The following XXYLT1 variants were observed in gnomAD, a reference collection of about 807,000 sequenced individuals.
XXYLT1 encodes xyloside xylosyltransferase 1.
In XXYLT1, 20 loss-of-function variants were observed where a neutral mutation model predicts 28.9. That is an observed-to-expected ratio of 0.69 (90% CI 0.49 to 1.00). The LOEUF is 1.00. XXYLT1 is among the 50% of genes least tolerant of loss of function. The probability of loss-of-function intolerance (pLI) is 0.00; values close to 1 mark genes in which losing one functional copy is unlikely to be tolerated. For missense variants in XXYLT1, 542 were observed against 560.1 expected (o/e 0.97, Z 0.33); for synonymous variants, 257 against 253.8 (o/e 1.01, Z -0.12).
chr3:195,082,152 C>G (rs1051974412), intron 3 of XXYLT1, among the ~76,000 whole-genome samples: 1 of 152,198 alleles, frequency 6.6e-6, no homozygotes, highest in African/African-American at 2.4e-5. Context: ...TGTGGGGCAT[C>G]TGGGTGGTTT....
intron 2 of XXYLT1, among the ~76,000 whole-genome samples, chr3:195,190,966 A>T (rs1722395429): frequency 6.6e-6 from 1 of 152,192 alleles, no homozygotes; most frequent in Admixed American, 6.5e-5. Flanking sequence ...AAAGAAGGCA[A>T]TCAAAAAATA....
intron 2 of XXYLT1, among the ~76,000 whole-genome samples, chr3:195,192,500 T>TTC (rs1295017474): frequency 1.3e-5 from 2 of 152,098 alleles, no homozygotes; most frequent in African/African-American, 4.8e-5. Context: ...TCCCAACTCA[T>TTC]TCTATGAGAC....
intron 3 of XXYLT1, among the ~76,000 whole-genome samples, chr3:195,120,202 C>T (rs1718276667): frequency 6.6e-6 from 1 of 152,174 alleles, no homozygotes; most frequent in Admixed American, 6.5e-5. Flanking sequence ...AGGCCTCACC[C>T]CCACCCACTC....
intron 2 of XXYLT1, among the ~76,000 whole-genome samples, chr3:195,172,277 G>T (rs1160561833): frequency 6.6e-6 from 1 of 152,182 alleles, no homozygotes; most frequent in Non-Finnish European, 1.5e-5. Context: ...GGCTTGCCAT[G>T]CTGGAATAAA....
chr3:195,080,640 G>A (rs967883118), intron 3 of XXYLT1, among the ~76,000 whole-genome samples: 6 of 152,216 alleles, frequency 3.9e-5, no homozygotes, highest in Non-Finnish European at 7.3e-5. Context: ...GCCTCATGGC[G>A]CTGGAGGTCA....
At chr3:195,079,679 C>T (rs1715317166) in intron 3 of XXYLT1, among the ~76,000 whole-genome samples, 1 of 151,982 alleles carries the variant, frequency 6.6e-6, no homozygotes, top group Non-Finnish European at 1.5e-5. Flanking sequence ...AAGAGGGAAC[C>T]CTGGGATGTG....
At chr3:195,258,586 C>G (rs145281692) in intron 1 of XXYLT1, among the ~76,000 whole-genome samples, 114 of 152,338 alleles carry the variant, frequency 7.5e-4, no homozygotes, top group African/African-American at 2.7e-3. Context: ...ATCATCCTGA[C>G]AAGCAGCAGC....
intron 3 of XXYLT1, among the ~76,000 whole-genome samples, chr3:195,156,026 T>C (rs1720570909): frequency 6.6e-6 from 1 of 152,200 alleles, no homozygotes; most frequent in Non-Finnish European, 1.5e-5. Context: ...TGTTCTGACG[T>C]CTTCCCTCCC....
At chr3:195,261,583 G>A (rs1029801555) in intron 1 of XXYLT1, among the ~76,000 whole-genome samples, 10 of 152,166 alleles carry the variant, frequency 6.6e-5, no homozygotes, top group South Asian at 4.1e-4. Context: ...CAGTGTACAC[G>A]TCAGAAATGT....
chr3:195,134,919 G>C (rs2108636364), intron 3 of XXYLT1, among the ~76,000 whole-genome samples: 1 of 152,070 alleles, frequency 6.6e-6, no homozygotes, highest in East Asian at 1.9e-4. Flanking sequence ...TATTTCCAAA[G>C]ACGACTCAGT....
At chr3:195,125,967 A>C (rs997723361) in intron 3 of XXYLT1, among the ~76,000 whole-genome samples, 3 of 143,518 alleles carry the variant, frequency 2.1e-5, no homozygotes, top group African/African-American at 5.1e-5. Context: ...CCCCGAGATA[A>C]CTGAGAAAGA....
chr3:195,233,912 T>C (rs983762616), intron 1 of XXYLT1, among the ~76,000 whole-genome samples: 2 of 152,016 alleles, frequency 1.3e-5, no homozygotes, highest in African/African-American at 4.8e-5. Flanking sequence ...CCTTTAGCAT[T>C]TTTGTTTTGT....
chr3:195,174,903 C>T lies in XXYLT1; in HGVS notation c.653-18322G>A, dbSNP rs535321256. 6.0e-4 allele frequency among the ~76,000 whole-genome samples: 92 copies of T among 152,142 alleles called. 2 individuals carry two copies. The highest frequency in any genetic ancestry group is 7.2e-4 in the Admixed American group (11 of 15,284). On this transcript the variant is annotated intron_variant, in intron 2 of 3. Transcript: ENST00000310380. ...AGCTGGGTCTACATGAGTGTGCCAC[C>T]GTGCCCAGCCACAGTTGTACATCTG...
intron 2 of XXYLT1, among the ~76,000 whole-genome samples, chr3:195,212,223 G>A (rs1344511717): frequency 1.3e-5 from 2 of 152,212 alleles, no homozygotes; most frequent in Non-Finnish European, 2.9e-5. Context: ...AGCGGGGGTG[G>A]CCACGGTAGG....
chr3:195,118,837 C>T (rs1332807702), intron 3 of XXYLT1, among the ~76,000 whole-genome samples: 5 of 152,140 alleles, frequency 3.3e-5, no homozygotes, highest in Non-Finnish European at 5.9e-5. Flanking sequence ...AAGGAGGTGA[C>T]GTAGTAAACT....
At chr3:195,090,594 C>A (rs551707207) in intron 3 of XXYLT1, among the ~76,000 whole-genome samples, 1 of 150,866 alleles carries the variant, frequency 6.6e-6, no homozygotes, top group East Asian at 1.9e-4. Context: ...AAAATTGACA[C>A]CCTAACATCA....
rs1725477003 is a variant in XXYLT1 at position 195,256,349 on chromosome 3, G to C, written c.504+14206C>G. Among the ~76,000 whole-genome samples, 1 of 152,186 alleles carries C rather than the reference G, an allele frequency of 6.6e-6. No homozygotes were observed. ...GCGATGGTGGCAACTGTGGCTCATTGACGGTGACGATAAACCTGAGACAGC... is the reference window on the plus strand; with the variant it reads ...GCGATGGTGGCAACTGTGGCTCATTCACGGTGACGATAAACCTGAGACAGC... On this transcript the variant is annotated intron_variant, in intron 1 of 3. Transcript: ENST00000310380. This position sits in a 1 kb window ranked among gnomAD's most constrained non-coding sequence, Gnocchi z 4.2.
intron 3 of XXYLT1, among the ~76,000 whole-genome samples, chr3:195,121,761 C>A (rs1389504240): frequency 1.3e-5 from 2 of 152,186 alleles, no homozygotes; most frequent in East Asian, 3.8e-4. Context: ...ACTCAGGCAG[C>A]TTTATTCCAG....
chr3:195,125,127 G>GA (rs1306774319), intron 3 of XXYLT1, among the ~76,000 whole-genome samples: 1 of 152,202 alleles, frequency 6.6e-6, no homozygotes, highest in Non-Finnish European at 1.5e-5. Context: ...ATAAGAATGA[G>GA]AAAAAAGAGG....
Sources: gnomAD v4.1 joint callset for allele counts (sites outside exome capture counted in the v4.1 genomes callset) on GRCh38, gnomAD v4.1.1 for gene constraint, Gnocchi (gnomAD v3.1) non-coding constraint, MANE v1.5 for transcripts, NCBI Gene and HGNC (gene_info 2026-07-23, HGNC 2026-07-21) for gene names.